EPB41: variants seen among roughly 807,000 people sequenced by gnomAD.
EPB41 encodes the protein erythrocyte membrane protein band 4.1, also known as protein 4.1.
A neutral mutation model predicts 108.0 loss-of-function variants in EPB41; 65 were observed. The observed-to-expected ratio is 0.60, with a 90% CI of 0.49 to 0.74. EPB41 has a LOEUF of 0.74. Ranked by LOEUF, EPB41 falls within the 30% of genes least tolerant of loss-of-function variation. The probability of loss-of-function intolerance (pLI) is 0.00; values close to 1 mark genes in which losing one functional copy is unlikely to be tolerated. For synonymous variants in EPB41, 336 were observed against 358.9 expected (o/e 0.94, Z 0.72); for missense variants, 875 against 1,037.0 (o/e 0.84, Z 2.15).
At chr1:29,032,887 A>G (rs540644524) in intron 8 of EPB41, among the ~76,000 whole-genome samples, 30 of 152,340 alleles carry the variant, frequency 2.0e-4, no homozygotes, top group African/African-American at 6.3e-4. Flanking sequence ...GGTAGTATAC[A>G]TAGCTCTAAG....
chr1:28,898,659 G>A (rs940040025), intron 1 of EPB41, among the ~76,000 whole-genome samples: 1 of 152,176 alleles, frequency 6.6e-6, no homozygotes, highest in Admixed American at 6.5e-5. Context: ...AGCCAAGAAA[G>A]GAAGGAAAAG....
Position 29,035,924 on chromosome 1 carries a change from G to GT in EPB41, c.1463+2dup, listed in dbSNP as rs764686243. 1.3e-6 allele frequency: 2 copies of GT among 1,598,674 alleles called. No individual in the cohort carries two copies. The highest frequency in any genetic ancestry group is 2.2e-5 in the South Asian group (2 of 90,744). ...GTGTAGAACATCACACGTTTTTCAGGTATTATTCTCACTTAAGTATTTTTC... is the reference window on the plus strand; with the variant it reads ...GTGTAGAACATCACACGTTTTTCAGGTTATTATTCTCACTTAAGTATTTTTC... On this transcript the variant is annotated splice_donor_variant, in intron 10 of 20. Coordinates refer to ENST00000343067, the MANE Select transcript of EPB41 (RefSeq NM_001376013.1). LOFTEE classifies it high-confidence loss of function.
At chr1:28,936,785 A>G (rs1047156877) in intron 1 of EPB41, among the ~76,000 whole-genome samples, 2 of 152,198 alleles carry the variant, frequency 1.3e-5, no homozygotes, top group Admixed American at 1.3e-4. Flanking sequence ...ATTCTATTGT[A>G]TATCACATTT....
intron 16 of EPB41, among the ~76,000 whole-genome samples, chr1:29,073,937 A>G (rs895120849): frequency 1.3e-5 from 2 of 152,200 alleles, no homozygotes; most frequent in African/African-American, 2.4e-5. Flanking sequence ...TTTGGATATA[A>G]TAACCCAATT....
chr1:28,966,129 T>C (rs1239031843), intron 1 of EPB41, among the ~76,000 whole-genome samples: 1 of 151,222 alleles, frequency 6.6e-6, no homozygotes, highest in African/African-American at 2.4e-5. Flanking sequence ...GTTGCTGAGA[T>C]GAGCTGAGAT....
At chr1:29,060,111 C>T (rs905833256) in intron 14 of EPB41, among the ~76,000 whole-genome samples, 1 of 152,036 alleles carries the variant, frequency 6.6e-6, no homozygotes, top group Non-Finnish European at 1.5e-5. Flanking sequence ...TTTAAGGTAA[C>T]CCTCAAACAG....
At chr1:28,929,845 T>C (rs954953589) in intron 1 of EPB41, among the ~76,000 whole-genome samples, 1 of 74,750 alleles carries the variant, frequency 1.3e-5, no homozygotes, top group African/African-American at 1.0e-4. Context: ...TGGGCCTTCT[T>C]TTTTTTTTTT....
At chr1:28,929,568 G>C (rs1338481705) in intron 1 of EPB41, among the ~76,000 whole-genome samples, 3 of 150,230 alleles carry the variant, frequency 2.0e-5, no homozygotes, top group Non-Finnish European at 3.0e-5. Context: ...TTTCACTCTT[G>C]TTGCCGGGGC....
rs116955240 is a variant in EPB41, at chr1:29,052,684, C to T, written c.1637-420C>T. Among the ~76,000 whole-genome samples, 117 of 152,156 alleles carry T rather than the reference C, an allele frequency of 7.7e-4. No individual in the cohort carries two copies. In the East Asian group the frequency reaches 0.02, roughly 26 times the overall value. Reference sequence around the variant, plus strand: ...TTTCTTACAATATATTTTTAGGTTCCTGAAATAACCTAAAAATGAACACAT... The same window carrying T: ...TTTCTTACAATATATTTTTAGGTTCTTGAAATAACCTAAAAATGAACACAT... On this transcript the variant is annotated intron_variant, in intron 11 of 20. Coordinates refer to ENST00000343067, the MANE Select transcript of EPB41 (RefSeq NM_001376013.1).
At chr1:29,000,419 C>A (rs1355180826) in intron 4 of EPB41, among the ~76,000 whole-genome samples, 1 of 152,186 alleles carries the variant, frequency 6.6e-6, no homozygotes, top group African/African-American at 2.4e-5. Flanking sequence ...TTTTAATGAG[C>A]AAATGTTAAA....
At position 29,018,388 on chromosome 1, in the gene EPB41, C is replaced by G. The variant is rs202197419; in HGVS notation, c.1070C>G (p.Pro357Arg). The change falls in exon 7 of 21, where the codon CCG becomes CGG. Residue 357 changes from proline to arginine, a missense_variant. Pro to Arg is a moderately radical substitution (Grantham distance 103, BLOSUM62 -2). This residue lies in a region of EPB41 where 519 missense variants were observed against 627.3 expected (regional missense o/e 0.83). Transcript: ENST00000343067. The surrounding 1 kb of genome is among the most constrained non-coding windows in gnomAD (Gnocchi z 4.4). ...VDYVSDFKLAPNQTKELEEKV... is the reference protein window; with the variant it reads ...VDYVSDFKLARNQTKELEEKV... ...TATGTTAGTGATTTTAAACTGGCCC[C>G]GAATCAGACCAAGGAACTTGAAGAG... 1.9e-6 allele frequency: 3 copies of G among 1,613,930 alleles called. No individual in the cohort carries two copies. Among genetic ancestry groups the G allele is most frequent in the Non-Finnish European group, 2.5e-6 (3 of 1,180,024 alleles).
At chr1:29,074,341 CT>C (rs376577771) in intron 16 of EPB41, among the ~76,000 whole-genome samples, 12 of 152,036 alleles carry the variant, frequency 7.9e-5, no homozygotes, top group South Asian at 6.2e-4. Flanking sequence ...AGAAACTTCA[CT>C]TTTTTTTCAT....
intron 1 of EPB41, among the ~76,000 whole-genome samples, chr1:28,966,043 C>G (rs944763717): frequency 6.6e-6 from 1 of 151,996 alleles, no homozygotes; most frequent in Non-Finnish European, 1.5e-5. Context: ...ATTAGCCAGG[C>G]ATGGTGGCGG....
chr1:28,975,359 C>T (rs771167069), intron 1 of EPB41, among the ~76,000 whole-genome samples: 1 of 152,108 alleles, frequency 6.6e-6, no homozygotes, highest in African/African-American at 2.4e-5. Flanking sequence ...GCTAGAGAAA[C>T]TAAGGGCAGC....
intron 14 of EPB41, 139 bp from the exon 15 acceptor site, chr1:29,060,283 C>A: frequency 1.5e-6 from 1 of 660,852 alleles, no homozygotes; most frequent in Non-Finnish European, 2.7e-6. Context: ...GACTCTCTGA[C>A]CATTTCATGT....
chr1:29,069,453 T>C, intron 16 of EPB41: 1 of 1,220,812 alleles, frequency 8.2e-7, no homozygotes, highest in Non-Finnish European at 1.0e-6. Flanking sequence ...TTATTATTTA[T>C]TTGTTTTGGT....
At chr1:29,005,470 A>G (rs1245953372) in intron 4 of EPB41, among the ~76,000 whole-genome samples, 1 of 152,162 alleles carries the variant, frequency 6.6e-6, no homozygotes, top group Non-Finnish European at 1.5e-5. Flanking sequence ...TGTAGTTGAA[A>G]CTTTATTAAT....
At chr1:29,001,781 C>G (rs114278536) in intron 4 of EPB41, among the ~76,000 whole-genome samples, 2 of 152,104 alleles carry the variant, frequency 1.3e-5, no homozygotes, top group African/African-American at 2.4e-5. Context: ...CACAATCAAG[C>G]GAGTATGATC....
At chr1:29,109,834 G>T (rs985688923) in intron 18 of EPB41, 1 of 306,042 alleles carries the variant, frequency 3.3e-6, no homozygotes, top group Non-Finnish European at 6.4e-6. Context: ...AGGAGTACGA[G>T]ACTAGCCTGA....
Sources: allele counts gnomAD v4.1 joint callset (sites outside exome capture counted in the v4.1 genomes callset), GRCh38; gene constraint gnomAD v4.1.1; regional missense constraint gnomAD v4.1.1; non-coding constraint Gnocchi (gnomAD v3.1); transcripts MANE v1.5; gene names NCBI Gene and HGNC (gene_info 2026-07-23, HGNC 2026-07-21).